Variants in POLR2F observed in about 807,000 individuals in gnomAD.
POLR2F encodes the protein RNA polymerase II, I and III subunit F.
POLR2F carries 12 observed loss-of-function variants against 22.7 expected under a neutral mutation model. That is an observed-to-expected ratio of 0.53 (90% CI 0.34 to 0.86). POLR2F has a LOEUF of 0.86. POLR2F is among the 40% of genes least tolerant of loss of function. The pLI is 0.02. For synonymous variants in POLR2F, 57 were observed against 66.0 expected (o/e 0.86, Z 0.66); for missense variants, 126 against 171.5 (o/e 0.73, Z 1.48).
At chr22:38,031,044 C>T (rs2085059960), downstream of POLR2F, among the ~76,000 whole-genome samples, 2 of 151,970 alleles carry the variant, frequency 1.3e-5, no homozygotes, top group Admixed American at 1.3e-4. This position sits in a 1 kb window ranked among gnomAD's most constrained non-coding sequence, Gnocchi z 4.1. Context: ...GCACTTCAGA[C>T]CCTGCCAATG....
chr22:37,990,487 G>A (rs553641924), intron 1 of POLR2F, among the ~76,000 whole-genome samples: 14 of 152,356 alleles, frequency 9.2e-5, no homozygotes, highest in South Asian at 6.2e-4. Context: ...CCTTCCTGGC[G>A]TCTGCCCTGA....
chr22:38,008,824 C>T (rs1437727163), intron 1 of POLR2F, among the ~76,000 whole-genome samples: 5 of 150,172 alleles, frequency 3.3e-5, no homozygotes, highest in African/African-American at 1.2e-4. Context: ...CACCACTGCA[C>T]TCCAGCCTGG....
intron 5 of POLR2F, among the ~76,000 whole-genome samples, chr22:38,036,633 G>A (rs1387389110): frequency 6.6e-6 from 1 of 151,596 alleles, no homozygotes; most frequent in Non-Finnish European, 1.5e-5. Flanking sequence ...GACGGGGTAA[G>A]GAGGGCTGCG....
intron 3 of POLR2F, among the ~76,000 whole-genome samples, chr22:37,964,130 T>G (rs1486336272): frequency 6.6e-6 from 1 of 150,440 alleles, no homozygotes; most frequent in Non-Finnish European, 1.5e-5. Flanking sequence ...AAAAAAGACA[T>G]AATCCCCAGT....
chr22:38,041,119 A>G (rs372701198), downstream of POLR2F: 107 of 1,612,762 alleles, frequency 6.6e-5, no homozygotes, highest in Non-Finnish European at 8.6e-5. Context: ...TGAACAATGC[A>G]TGGTGGACGG....
intron 3 of POLR2F, among the ~76,000 whole-genome samples, chr22:37,961,173 A>G (rs1351116331): frequency 1.3e-5 from 2 of 151,496 alleles, no homozygotes; most frequent in African/African-American, 4.9e-5. Context: ...TCTTGTCTCA[A>G]CCTCCCAAGT....
chr22:38,004,347 G>A (rs1358923309), intron 1 of POLR2F, among the ~76,000 whole-genome samples: 1 of 152,160 alleles, frequency 6.6e-6, no homozygotes, highest in Non-Finnish European at 1.5e-5. Context: ...GTCGTAGGGA[G>A]GGAAGAAGAG....
At chr22:38,037,216 G>A (rs1461270042) in intron 5 of POLR2F, among the ~76,000 whole-genome samples, 2 of 151,872 alleles carry the variant, frequency 1.3e-5, no homozygotes, top group East Asian at 3.9e-4. Flanking sequence ...AAGGAAGGAA[G>A]GACTGACCTT....
intron 1 of POLR2F, among the ~76,000 whole-genome samples, chr22:38,003,602 G>A (rs975195121): frequency 9.3e-5 from 14 of 150,214 alleles, no homozygotes; most frequent in South Asian, 6.3e-4. Flanking sequence ...TTTTTGAGAC[G>A]GAGTCTCACT....
chr22:37,983,405 G>C, upstream of POLR2F: 1 of 1,610,660 alleles, frequency 6.2e-7, no homozygotes, highest in Non-Finnish European at 8.5e-7. The surrounding 1 kb of genome is among the most constrained non-coding windows in gnomAD (Gnocchi z 9.5). Flanking sequence ...GTGCAGGTGC[G>C]GGTACTGGTC....
intron 3 of POLR2F, among the ~76,000 whole-genome samples, chr22:37,961,887 T>C (rs1351387496): frequency 6.6e-6 from 1 of 151,828 alleles, no homozygotes; most frequent in Non-Finnish European, 1.5e-5. Context: ...AAATGGTGGG[T>C]ATCTGGAGGA....
intron 1 of POLR2F, chr22:38,025,476 T>C: frequency 7.2e-7 from 1 of 1,396,912 alleles, no homozygotes; most frequent in Non-Finnish European, 9.4e-7. Flanking sequence ...AAAGATACGA[T>C]CACAAACACA....
intron 1 of POLR2F, chr22:37,987,489 A>AC (rs139888): frequency 0.64 from 227,796 of 356,524 alleles, 73,159 homozygotes; most frequent in East Asian, 0.74. Flanking sequence ...GTGTTCCCCC[A>AC]CTGGGTCCCT....
intron 1 of POLR2F, among the ~76,000 whole-genome samples, chr22:38,022,236 A>G (rs1468481431): frequency 2.0e-5 from 3 of 152,030 alleles, no homozygotes; most frequent in Non-Finnish European, 4.4e-5. Flanking sequence ...AGTTTTGGAT[A>G]GTGGAGTATA....
chr22:37,984,089 T>C (rs1932496443), upstream of POLR2F: 1 of 236,432 alleles, frequency 4.2e-6, no homozygotes, highest in East Asian at 8.9e-5. This position sits in a 1 kb window ranked among gnomAD's most constrained non-coding sequence, Gnocchi z 4.4. Flanking sequence ...GGTGGCTTTT[T>C]TTTTAGCCTC....
chr22:37,993,593 G>A (rs868191578), intron 1 of POLR2F, among the ~76,000 whole-genome samples: 54 of 152,168 alleles, frequency 3.5e-4, no homozygotes, highest in African/African-American at 1.1e-3. Flanking sequence ...GTTCAAGGCT[G>A]GCCCTTGCCC....
intron 4 of POLR2F, among the ~76,000 whole-genome samples, chr22:37,975,006 A>G (rs557603209): frequency 2.6e-5 from 4 of 152,142 alleles, no homozygotes; most frequent in South Asian, 4.2e-4. Flanking sequence ...TTCCCAGCCC[A>G]CTGGCAAGCC....
chr22:37,967,487 T>G, intron 4 of POLR2F, 138 bp from the exon 5 acceptor site: 1 of 1,462,850 alleles, frequency 6.8e-7, no homozygotes, highest in East Asian at 2.4e-5. Context: ...AATTGCTTTC[T>G]TACAAAGTAC....
downstream of POLR2F, among the ~76,000 whole-genome samples, chr22:38,029,208 C>T (rs1028991856): frequency 3.3e-5 from 5 of 152,170 alleles, no homozygotes; most frequent in African/African-American, 9.7e-5. Flanking sequence ...TGGGGCATAT[C>T]ACAGAATCCC....
Sources: gnomAD v4.1 joint callset for allele counts (sites outside exome capture counted in the v4.1 genomes callset) on GRCh38, gnomAD v4.1.1 for gene constraint, Gnocchi (gnomAD v3.1) non-coding constraint, MANE v1.5 for transcripts, NCBI Gene and HGNC (gene_info 2026-07-23, HGNC 2026-07-21) for gene names.